The following OPCML variants were observed in gnomAD, a reference collection of about 807,000 sequenced individuals.
The protein encoded by OPCML is opioid binding protein/cell adhesion molecule like, also known as opioid-binding protein/cell adhesion molecule.
A neutral mutation model predicts 37.8 loss-of-function variants in OPCML; 13 were observed. The observed-to-expected ratio is 0.34, with a 90% CI of 0.22 to 0.55. OPCML has a LOEUF of 0.55. Ranked by LOEUF, OPCML falls within the 20% of genes least tolerant of loss-of-function variation. The pLI, the probability that OPCML is intolerant of heterozygous loss-of-function variation, is 0.91. For missense variants in OPCML, 341 were observed against 435.6 expected, an observed-to-expected ratio of 0.78 and a Z score of 1.93; for synonymous variants, 176 against 168.8, an observed-to-expected ratio of 1.04 and a Z score of -0.33.
At chr11:132,610,381 T>G (rs960901101) in intron 3 of OPCML, among the ~76,000 whole-genome samples, 4 of 152,212 alleles carry the variant, frequency 2.6e-5, no homozygotes, top group African/African-American at 9.6e-5. Flanking sequence ...GAAAGCTCTA[T>G]CAGTTTGACC....
At chr11:132,587,724 A>G (rs2096476139) in intron 3 of OPCML, among the ~76,000 whole-genome samples, 1 of 152,160 alleles carries the variant, frequency 6.6e-6, no homozygotes, top group South Asian at 2.1e-4. Flanking sequence ...CCACATTCTG[A>G]GCTTTTCTAA....
intron 3 of OPCML, among the ~76,000 whole-genome samples, chr11:132,569,821 A>G (rs1172925606): frequency 6.6e-6 from 1 of 152,150 alleles, no homozygotes; most frequent in African/African-American, 2.4e-5. Flanking sequence ...AATGAAAACA[A>G]CCAATTTATA....
chr11:133,140,675 A>AAAGAAGC (rs1156415652), intron 1 of OPCML, among the ~76,000 whole-genome samples: 1 of 115,034 alleles, frequency 8.7e-6, no homozygotes, highest in Non-Finnish European at 1.8e-5. Context: ...AGAAAAGAAG[A>AAAGAAGC]AAGAAGAAAG....
chr11:132,441,170 T>TTTTTTTTTTTTTTTTTTG lies in OPCML; in HGVS notation c.506-3812_506-3811insCAAAAAAAAAAAAAAAAA, dbSNP rs1448869073. Among the ~76,000 whole-genome samples the TTTTTTTTTTTTTTTTTTG allele has an allele frequency of 2.6e-5, 3 of 113,560 alleles. No individual in the cohort carries two copies. The Admixed American group carries it at 2.7e-4, about 10-fold the overall frequency. 74.5% of individuals were successfully genotyped at this position (113,560 alleles called of 152,430 possible). Reference sequence around the variant, plus strand: ...TGTTCACCAAGGACTTTTTTGTTTTTTTTTTTTTTTTTTTTGAGACGGAGT... The same window carrying TTTTTTTTTTTTTTTTTTG: ...TGTTCACCAAGGACTTTTTTGTTTTTTTTTTTTTTTTTTTTTTGTTTTTTTTTTTTTTTGAGACGGAGT... On this transcript the variant is annotated intron_variant, in intron 4 of 7. Transcript: ENST00000524381.
At chr11:132,848,870 G>A (rs1038967216) in intron 2 of OPCML, among the ~76,000 whole-genome samples, 5 of 152,148 alleles carry the variant, frequency 3.3e-5, no homozygotes, top group Middle Eastern at 3.4e-3. Context: ...TGTGAAAATC[G>A]TATTAGATCA....
chr11:133,015,415 G>T (rs879272799), intron 1 of OPCML, among the ~76,000 whole-genome samples: 4,183 of 107,618 alleles, frequency 0.039, 110 homozygotes, highest in African/African-American at 0.047. Flanking sequence ...AAGGAAGGAA[G>T]GAAGGAAGGA....
intron 1 of OPCML, among the ~76,000 whole-genome samples, chr11:133,049,422 T>G (rs1948087912): frequency 6.6e-6 from 1 of 152,200 alleles, no homozygotes; most frequent in East Asian, 1.9e-4. Context: ...CTGACACACC[T>G]GACCTCCCAC....
chr11:133,514,581 C>T (rs1177653398), intron 1 of OPCML, among the ~76,000 whole-genome samples: 5 of 152,150 alleles, frequency 3.3e-5, no homozygotes, highest in Admixed American at 2.6e-4. Context: ...AGTCAAGAGT[C>T]CTTTTTTAAA....
intron 1 of OPCML, among the ~76,000 whole-genome samples, chr11:133,295,210 C>G (rs765567555): frequency 2.0e-5 from 3 of 152,124 alleles, no homozygotes; most frequent in Non-Finnish European, 4.4e-5. Context: ...GAGTAAAGAA[C>G]GTCTAGTTAA....
intron 3 of OPCML, among the ~76,000 whole-genome samples, chr11:132,568,642 G>C (rs978448878): frequency 4.6e-5 from 7 of 152,190 alleles, no homozygotes; most frequent in Non-Finnish European, 7.3e-5. Context: ...ACTGGGAAAG[G>C]GTGAGGAAAT....
chr11:132,706,971 C>T (rs554559917), intron 2 of OPCML, among the ~76,000 whole-genome samples: 66 of 152,310 alleles, frequency 4.3e-4, no homozygotes, highest in African/African-American at 1.4e-3. Context: ...TTTGTCTAAA[C>T]GTCGCCAAGA....
intron 1 of OPCML, among the ~76,000 whole-genome samples, chr11:133,014,312 C>T (rs1251935225): frequency 1.3e-5 from 2 of 151,954 alleles, no homozygotes; most frequent in Admixed American, 1.3e-4. Context: ...TGTTGTTAAG[C>T]TGCTTGTTTT....
chr11:132,592,046 A>G (rs534744671), intron 3 of OPCML, among the ~76,000 whole-genome samples: 1 of 152,352 alleles, frequency 6.6e-6, no homozygotes, highest in South Asian at 2.1e-4. Flanking sequence ...GTAAAAAATG[A>G]GGCAGCAGAA....
At chr11:132,749,149 G>T (rs1035198242) in intron 2 of OPCML, among the ~76,000 whole-genome samples, 2 of 152,082 alleles carry the variant, frequency 1.3e-5, no homozygotes, top group African/African-American at 2.4e-5. Context: ...ACCATGTGAG[G>T]TTATAACGAG....
intron 1 of OPCML, among the ~76,000 whole-genome samples, chr11:133,356,782 T>C (rs1190008835): frequency 2.0e-5 from 3 of 152,216 alleles, no homozygotes; most frequent in Non-Finnish European, 4.4e-5. Context: ...AGGACATATA[T>C]TAATTCTGGA....
intron 3 of OPCML, among the ~76,000 whole-genome samples, chr11:132,603,620 G>GC (rs1472661613): frequency 6.6e-6 from 1 of 152,036 alleles, no homozygotes; most frequent in East Asian, 1.9e-4. Flanking sequence ...CTGTATAATT[G>GC]CCCAGCTTAA....
intron 1 of OPCML, among the ~76,000 whole-genome samples, chr11:133,123,982 T>C (rs1021169425): frequency 6.6e-6 from 1 of 151,744 alleles, no homozygotes; most frequent in Non-Finnish European, 1.5e-5. Context: ...TCAAAGACTG[T>C]CAGTTTTGTC....
intron 1 of OPCML, among the ~76,000 whole-genome samples, chr11:133,432,098 G>A (rs911172052): frequency 6.6e-6 from 1 of 151,992 alleles, no homozygotes; most frequent in African/African-American, 2.4e-5. Context: ...CTACTTGAAG[G>A]TGCTTTGTGA....
chr11:133,497,416 CT>C (rs1282986787), intron 1 of OPCML, among the ~76,000 whole-genome samples: 2 of 152,092 alleles, frequency 1.3e-5, no homozygotes, highest in Admixed American at 1.3e-4. Flanking sequence ...CCCTTCACTT[CT>C]TGCTTCATTT....
Sources: gnomAD v4.1 joint callset for allele counts (sites outside exome capture counted in the v4.1 genomes callset) on GRCh38, gnomAD v4.1.1 for gene constraint, MANE v1.5 for transcripts, NCBI Gene and HGNC (gene_info 2026-07-23, HGNC 2026-07-21) for gene names.